Variants in ITPR1 observed in about 807,000 individuals in gnomAD.
ITPR1 encodes the protein inositol 1,4,5-trisphosphate receptor type 1.
In ITPR1, 96 loss-of-function variants were observed where a neutral mutation model predicts 318.4. The observed-to-expected ratio is 0.30, with a 90% CI of 0.26 to 0.36. The LOEUF (loss-of-function observed/expected upper bound fraction) is 0.36. ITPR1 is among the 10% of genes least tolerant of loss of function. The pLI, the probability that ITPR1 is intolerant of heterozygous loss-of-function variation, is 1.00. For missense variants in ITPR1, 2,440 were observed against 3,460.2 expected (o/e 0.71, Z 7.40); for synonymous variants, 1,312 against 1,289.9 (o/e 1.02, Z -0.37).
chr3:4,708,735 G>T (rs1460882190), intron 37 of ITPR1, among the ~76,000 whole-genome samples: 1 of 152,184 alleles, frequency 6.6e-6, no homozygotes, highest in Admixed American at 6.5e-5. Flanking sequence ...GGCCAGTGAC[G>T]TAAAGGATTT....
intron 4 of ITPR1, among the ~76,000 whole-genome samples, chr3:4,564,584 A>G (rs866774893): frequency 4.6e-5 from 7 of 152,130 alleles, no homozygotes; most frequent in South Asian, 4.2e-4. Flanking sequence ...GGAGCTGGGT[A>G]CTTTGAGAGG....
At chr3:4,655,911 C>T (rs1270985096) in intron 12 of ITPR1, among the ~76,000 whole-genome samples, 3 of 152,124 alleles carry the variant, frequency 2.0e-5, no homozygotes, top group African/African-American at 4.8e-5. Flanking sequence ...ACTGGGAGGA[C>T]CCCACCCCCC....
chr3:4,591,734 G>A (rs1460078405), intron 4 of ITPR1, among the ~76,000 whole-genome samples: 1 of 152,168 alleles, frequency 6.6e-6, no homozygotes, highest in Non-Finnish European at 1.5e-5. Flanking sequence ...AGAAGCTTAT[G>A]ATCACTTGTA....
intron 4 of ITPR1, among the ~76,000 whole-genome samples, chr3:4,619,554 C>A (rs911293635): frequency 7.5e-6 from 1 of 133,518 alleles, no homozygotes; most frequent in Non-Finnish European, 1.6e-5. Context: ...CCGCCCTTTC[C>A]CCCTTCCCCT....
intron 50 of ITPR1, among the ~76,000 whole-genome samples, chr3:4,783,228 C>T (rs2046945457): frequency 6.6e-6 from 1 of 152,150 alleles, no homozygotes; most frequent in Non-Finnish European, 1.5e-5. Flanking sequence ...TTTCATAATT[C>T]TCCTTCCAAG....
At chr3:4,698,378 A>G (rs953524495) in intron 34 of ITPR1, among the ~76,000 whole-genome samples, 2 of 152,138 alleles carry the variant, frequency 1.3e-5, no homozygotes, top group Non-Finnish European at 2.9e-5. Flanking sequence ...TCACAGACAT[A>G]TTTTTTTAAA....
rs1446909735 is a variant in ITPR1, at chr3:4,683,814, G to C, written c.3498+16G>C. 1.7e-5 allele frequency: 27 copies of C among 1,609,264 alleles called. No homozygotes were observed. Among genetic ancestry groups the C allele is most frequent in the Non-Finnish European group, 2.1e-5 (25 of 1,176,846 alleles). On this transcript the variant is annotated intron_variant, in intron 28 of 61. Coordinates refer to ENST00000649015, the MANE Select transcript of ITPR1 (RefSeq NM_001378452.1). ...GAAAACGGAGGTGAGTGAAACACAAGTTATGCTGCCAAAGTGGATGGATGG... is the reference window on the plus strand; with the variant it reads ...GAAAACGGAGGTGAGTGAAACACAACTTATGCTGCCAAAGTGGATGGATGG...
rs764301997 is a variant in ITPR1 at position 4,676,714 on chromosome 3, C to T, written c.2880C>T (p.Ala960=). ...GFLPMTPMAA[A]PEGNVKQAEP... is the part of the protein sequence containing the mutation. The stretch of plus-strand genomic sequence containing the variant: ...TGCCCATGACTCCCATGGCTGCTGC[C>T]CCTGAAGGCAATGTGAAGCAGGCAG... The change falls in exon 24 of 62, where the codon GCC becomes GCT. Residue 960 remains alanine, a synonymous_variant. Coordinates refer to ENST00000649015, the MANE Select transcript of ITPR1 (RefSeq NM_001378452.1). The T allele has an allele frequency of 2.4e-5, 38 of 1,613,610 alleles. No individual in the cohort carries two copies. Among genetic ancestry groups the T allele is most frequent in the Middle Eastern group, 1.6e-4 (1 of 6,082 alleles).
At chr3:4,602,575 A>T (rs72622153) in intron 4 of ITPR1, among the ~76,000 whole-genome samples, 20,727 of 150,964 alleles carry the variant, frequency 0.14, 1,970 homozygotes, top group East Asian at 0.39. Flanking sequence ...TTATAGCAAC[A>T]TTATTCATCG....
At chr3:4,699,614 A>G (rs1049663148) in intron 34 of ITPR1, among the ~76,000 whole-genome samples, 199 bp from the exon 35 acceptor site, 5 of 152,202 alleles carry the variant, frequency 3.3e-5, no homozygotes, top group Non-Finnish European at 5.9e-5. Context: ...GTGATTTTGC[A>G]TCATGATATC....
chr3:4,545,375 C>T (rs928801963), intron 4 of ITPR1, among the ~76,000 whole-genome samples: 1 of 152,066 alleles, frequency 6.6e-6, no homozygotes, highest in African/African-American at 2.4e-5. Context: ...GTAATTCCAG[C>T]ACTTTGGGAG....
At chr3:4,796,401 C>T (rs2047901675) in intron 53 of ITPR1, among the ~76,000 whole-genome samples, 2 of 151,970 alleles carry the variant, frequency 1.3e-5, no homozygotes, top group South Asian at 4.1e-4. Flanking sequence ...TTGGGGATGT[C>T]CACCTTAACC....
At chr3:4,801,669 C>A (rs2048239957) in intron 54 of ITPR1, among the ~76,000 whole-genome samples, 1 of 152,070 alleles carries the variant, frequency 6.6e-6, no homozygotes, top group Non-Finnish European at 1.5e-5. Flanking sequence ...GAGACTGAGG[C>A]AGGAGAATCA....
intron 53 of ITPR1, 149 bp from the exon 54 acceptor site, chr3:4,800,276 T>A: frequency 2.9e-6 from 2 of 679,460 alleles, no homozygotes; most frequent in Non-Finnish European, 2.4e-6. Flanking sequence ...TGGGACTGGT[T>A]ATGGATGGGG....
intron 1 of ITPR1, 90 bp from the exon 2 acceptor site, chr3:4,494,341 A>G (rs2080387819): frequency 6.6e-6 from 1 of 152,310 alleles, no homozygotes; most frequent in Non-Finnish European, 1.5e-5. Context: ...AGGAGGCTAA[A>G]GAAGGTGGAA....
At chr3:4,709,521 T>C (rs2094827437) in intron 37 of ITPR1, among the ~76,000 whole-genome samples, 1 of 152,248 alleles carries the variant, frequency 6.6e-6, no homozygotes, top group African/African-American at 2.4e-5. Flanking sequence ...GTTTGGCCCC[T>C]GTCTTAGCCA....
chr3:4,676,929 C>T (rs1315772412), intron 24 of ITPR1, 128 bp downstream of exon 24: 2 of 662,100 alleles, frequency 3.0e-6, no homozygotes, highest in Non-Finnish European at 5.1e-6. Context: ...TAGCTCATCC[C>T]TCCGTGTCAT....
At chr3:4,668,896 A>G (rs114804201) in intron 18 of ITPR1, among the ~76,000 whole-genome samples, 3 of 152,146 alleles carry the variant, frequency 2.0e-5, no homozygotes, top group Non-Finnish European at 4.4e-5. Flanking sequence ...TATTGATTGT[A>G]TCTCATTCAC....
At chr3:4,653,682 C>G (rs896633563) in intron 11 of ITPR1, among the ~76,000 whole-genome samples, 160 bp from the exon 12 acceptor site, 4 of 152,128 alleles carry the variant, frequency 2.6e-5, no homozygotes, top group Non-Finnish European at 5.9e-5. Flanking sequence ...CCCATGTGAC[C>G]TGTATCATTG....
Sources: gnomAD v4.1 joint callset for allele counts (sites outside exome capture counted in the v4.1 genomes callset) on GRCh38, gnomAD v4.1.1 for gene constraint, MANE v1.5 for transcripts, NCBI Gene and HGNC (gene_info 2026-07-23, HGNC 2026-07-21) for gene names.